The following PTDSS2 variants were observed in gnomAD, a reference collection of about 807,000 sequenced individuals.
The protein encoded by PTDSS2 is PSS-2.
Under a neutral mutation model 64.7 loss-of-function variants are expected in PTDSS2, and 41 were observed. The ratio of observed to expected loss-of-function variants is 0.63; its 90% CI spans 0.49 to 0.82. The LOEUF is 0.82. Among genes scored for constraint, PTDSS2 ranks in the 40% least tolerant of loss-of-function variants. PTDSS2 has a pLI of 0.00. For synonymous variants in PTDSS2, 297 were observed against 277.8 expected, an observed-to-expected ratio of 1.07 and a Z score of -0.69; for missense variants, 485 against 650.0, an observed-to-expected ratio of 0.75 and a Z score of 2.76.
intron 1 of PTDSS2, among the ~76,000 whole-genome samples, chr11:451,967 G>A (rs1471134628): frequency 2.0e-5 from 3 of 152,200 alleles, no homozygotes; most frequent in South Asian, 2.1e-4. Flanking sequence ...TCTGGCTTCC[G>A]GGCCCTGTGG....
At chr11:466,248 A>G (rs545605599) in intron 2 of PTDSS2, among the ~76,000 whole-genome samples, 1 of 152,246 alleles carries the variant, frequency 6.6e-6, no homozygotes, top group South Asian at 2.1e-4. Flanking sequence ...TGGGTAATTT[A>G]CAAAAGAAAG....
chr11:484,887 CAG>C (rs1308804305), intron 4 of PTDSS2, among the ~76,000 whole-genome samples: 28 of 127,488 alleles, frequency 2.2e-4, no homozygotes, highest in East Asian at 7.3e-4. Context: ...CGTCTGTAAA[CAG>C]TGCACGGGCG....
intron 2 of PTDSS2, among the ~76,000 whole-genome samples, chr11:467,464 A>T (rs1251173239): frequency 6.6e-6 from 1 of 152,140 alleles, no homozygotes; most frequent in Non-Finnish European, 1.5e-5. Context: ...ACTAAATATA[A>T]ATATATTCTT....
At position 473,850 on chromosome 11, in the gene PTDSS2, G is replaced by A. The variant is rs112036731; in HGVS notation, c.285-45G>A. The A allele has an allele frequency of 7.0e-4, 1,021 of 1,459,472 alleles. 7 individuals carry two copies. In the African/African-American group the frequency reaches 0.012, roughly 18 times the overall value. The allele number at this position is 1,459,472 out of a possible 1,614,324, so 90.4% of individuals were successfully genotyped here. A position where few individuals can be genotyped will look rare whatever the true frequency, so the allele number is the denominator to read the frequency against. On this transcript the variant is annotated intron_variant, in intron 2 of 11. Transcript: ENST00000308020. ...CTGCAGCCTCCCACCTCCCTCCTGG[G>A]AGAAGCCTGCACACACTGAGGGGCT...
intron 1 of PTDSS2, chr11:459,914 T>C: frequency 2.2e-6 from 1 of 464,400 alleles, no homozygotes; most frequent in East Asian, 3.7e-5. Context: ...AGTGGCAGCA[T>C]GTGCCCTCTG....
Position 476,892 on chromosome 11 carries a change from C to T in PTDSS2, c.368-2193C>T, listed in dbSNP as rs528471322. On this transcript the variant is annotated intron_variant, in intron 3 of 11. Coordinates refer to ENST00000308020, the MANE Select transcript of PTDSS2 (RefSeq NM_030783.3). This position sits in a 1 kb window ranked among gnomAD's most constrained non-coding sequence, Gnocchi z 4.9. ...AATCTTCGATTTATTGACGGGGAAG[C>T]CTGTCCTGGAGCCACCTTCTTCCAC... Among the ~76,000 whole-genome samples the T allele has an allele frequency of 6.6e-6, 1 of 152,322 alleles. No individual in the cohort carries two copies. The highest frequency in any genetic ancestry group is 1.9e-4 in the East Asian group (1 of 5,188).
rs1362112243 is a variant in PTDSS2 at position 460,328 on chromosome 11, T to A, written c.284+40T>A. On this transcript the variant is annotated intron_variant, in intron 2 of 11. Coordinates refer to ENST00000308020, the MANE Select transcript of PTDSS2 (RefSeq NM_030783.3). The surrounding 1 kb of genome is among the most constrained non-coding windows in gnomAD (Gnocchi z 5.8). ...TGTCCTGCCTTCTGAAACTGCCCTG[T>A]GCCCCGTGTGGTGGGTGTGGCACCC... 9 of 1,541,774 alleles carry A rather than the reference T, an allele frequency of 5.8e-6. No homozygotes were observed. The highest frequency in any genetic ancestry group is 1.4e-5 in the African/African-American group (1 of 73,266).
rs11539814 is a variant in PTDSS2 at position 488,609 on chromosome 11, G to A, written c.816G>A (p.Thr272=). ...MKTLEWLSLK[T]YKWQGLWNIP... Reference sequence around the variant, plus strand: ...CCCTTGAGTGGCTGTCCCTGAAGACGTACAAGTGGCAGGGCCTCTGGAACA... The same window carrying A: ...CCCTTGAGTGGCTGTCCCTGAAGACATACAAGTGGCAGGGCCTCTGGAACA... The change falls in exon 8 of 12, where the codon ACG becomes ACA. Residue 272 remains threonine (T), a synonymous_variant. Transcript: ENST00000308020. 1.2e-5 allele frequency: 20 copies of A among 1,613,134 alleles called. No individual in the cohort carries two copies. The African/African-American group carries it at 2.0e-4, about 16-fold the overall frequency.
rs1235984670 is a variant in PTDSS2, at chr11:483,007, C to T, written c.435+3855C>T. Among the ~76,000 whole-genome samples the T allele has an allele frequency of 6.5e-5, 8 of 122,974 alleles. No individual in the cohort carries two copies. The South Asian group carries it at 9.4e-4, about 14-fold the overall frequency. 80.7% of individuals were successfully genotyped at this position (122,974 alleles called of 152,430 possible). On this transcript the variant is annotated intron_variant, in intron 4 of 11. Transcript: ENST00000308020. The stretch of plus-strand genomic sequence containing the variant: ...GTGAGTTTTTCGTAGATCTCCCTAC[C>T]GAGTGGAGAAGGTTCTGTGAGTTTT...
chr11:464,148 A>G (rs573794826), intron 2 of PTDSS2, among the ~76,000 whole-genome samples: 1 of 151,252 alleles, frequency 6.6e-6, no homozygotes, highest in Admixed American at 6.6e-5. Flanking sequence ...ACGCCCCACT[A>G]ATTTTTTTAT....
At chr11:456,468 T>C (rs73385843) in intron 1 of PTDSS2, among the ~76,000 whole-genome samples, 4,898 of 152,018 alleles carry the variant, frequency 0.032, 279 homozygotes, top group African/African-American at 0.11. Flanking sequence ...TGAGCCACGG[T>C]ACCTGCCCCC....
intron 3 of PTDSS2, among the ~76,000 whole-genome samples, chr11:477,495 C>T (rs73399650): frequency 2.8e-4 from 42 of 152,224 alleles, no homozygotes; most frequent in Admixed American, 9.8e-4. Context: ...CTGGGTATTC[C>T]GGGGCGGCAG....
At chr11:478,567 T>C (rs1847920025) in intron 3 of PTDSS2, among the ~76,000 whole-genome samples, 1 of 151,782 alleles carries the variant, frequency 6.6e-6, no homozygotes, top group East Asian at 1.9e-4. Flanking sequence ...GCCAACATGG[T>C]GAAACCCTGT....
At chr11:471,373 G>T (rs1194346747) in intron 2 of PTDSS2, among the ~76,000 whole-genome samples, 2 of 152,204 alleles carry the variant, frequency 1.3e-5, no homozygotes, top group African/African-American at 2.4e-5. Flanking sequence ...AAGATTACAG[G>T]TGTGAACCAC....
chr11:476,619 C>T lies in PTDSS2; in HGVS notation c.368-2466C>T, dbSNP rs557127256. ...GACCCCTGGCACAGGGAGAGACTCC[C>T]GGGAGACCCTCAGCTCTGAGCAGTC... On this transcript the variant is annotated intron_variant, in intron 3 of 11. Coordinates refer to ENST00000308020, the MANE Select transcript of PTDSS2 (RefSeq NM_030783.3). The surrounding 1 kb of genome is among the most constrained non-coding windows in gnomAD (Gnocchi z 4.9). Among the ~76,000 whole-genome samples the T allele has an allele frequency of 2.6e-5, 4 of 152,116 alleles. No individual in the cohort carries two copies. Among genetic ancestry groups the T allele is most frequent in the Admixed American group, 6.5e-5 (1 of 15,274 alleles).
chr11:460,451 G>A lies in PTDSS2; in HGVS notation c.284+163G>A, dbSNP rs902461739. The stretch of plus-strand genomic sequence containing the variant: ...GAGTGTGTCTGATGTGCAGACTCCA[G>A]GGCTGCCCTTGGTGCTGCGTGGCGT... On this transcript the variant is annotated intron_variant, in intron 2 of 11. Coordinates refer to ENST00000308020, the MANE Select transcript of PTDSS2 (RefSeq NM_030783.3). This position sits in a 1 kb window ranked among gnomAD's most constrained non-coding sequence, Gnocchi z 5.8. The A allele has an allele frequency of 3.0e-5, 18 of 608,496 alleles. No individual in the cohort carries two copies. In the Admixed American group the frequency reaches 4.7e-4, roughly 16 times the overall value. The allele number at this position is 608,496 out of a possible 1,614,324, so 37.7% of individuals were successfully genotyped here.
intron 6 of PTDSS2, 37 bp from the exon 7 acceptor site, chr11:488,162 C>T (rs766413506): frequency 1.1e-5 from 17 of 1,495,486 alleles, no homozygotes; most frequent in Admixed American, 5.0e-5. Context: ...CGGGTGTGGC[C>T]GGCGTCCCAT....
intron 2 of PTDSS2, among the ~76,000 whole-genome samples, chr11:464,085 C>T (rs577968092): frequency 6.6e-6 from 1 of 151,864 alleles, no homozygotes; most frequent in African/African-American, 2.4e-5. Flanking sequence ...CAGGTTCAAT[C>T]AGTTCTTGTG....
In PTDSS2 at chr11:490,568, C is replaced by T. The variant is rs776164340; in HGVS notation, c.1450C>T (p.Pro484Ser). Residue 484 changes from proline to serine, a missense_variant, in exon 12 of 12, where the codon CCA becomes TCA. This residue lies in a region of PTDSS2 where 219 missense variants were observed against 257.3 expected (regional missense o/e 0.85). Transcript: ENST00000308020. ...TGGGGTGGCCGAGGGCGAGGGAGCA[C>T]CAACTCCAAACTGACCTGGGCCGTG... ...GPGVAEGEGA[P>S]TPN The T allele has an allele frequency of 1.2e-6, 2 of 1,600,012 alleles. No individual in the cohort carries two copies. Among genetic ancestry groups the T allele is most frequent in the South Asian group, 1.1e-5 (1 of 89,388 alleles).
Sources: allele counts gnomAD v4.1 joint callset (sites outside exome capture counted in the v4.1 genomes callset), GRCh38; gene constraint gnomAD v4.1.1; regional missense constraint gnomAD v4.1.1; non-coding constraint Gnocchi (gnomAD v3.1); transcripts MANE v1.5; gene names NCBI Gene and HGNC (gene_info 2026-07-23, HGNC 2026-07-21).